PCDH11X: variants seen among roughly 807,000 people sequenced by gnomAD.
The protein encoded by PCDH11X is protocadherin-11 X-linked.
PCDH11X carries 18 observed loss-of-function variants against 53.3 expected under a neutral mutation model. That is an observed-to-expected ratio of 0.34 (90% CI 0.23 to 0.50). The LOEUF is 0.50. Ranked by LOEUF, PCDH11X falls within the 20% of genes least tolerant of loss-of-function variation. PCDH11X has a pLI of 0.98. For synonymous variants in PCDH11X, 279 were observed against 393.3 expected (o/e 0.71, Z 3.44); for missense variants, 570 against 1,032.4 (o/e 0.55, Z 6.14).
At chrX:92,249,997 A>C (rs1259768196) in intron 7 of PCDH11X, among the ~76,000 whole-genome samples, 2 of 111,133 alleles carry the variant, frequency 1.8e-5, no homozygotes, top group East Asian at 5.7e-4. Flanking sequence ...AATACATAAT[A>C]ATTTGATAAT....
intron 6 of PCDH11X, among the ~76,000 whole-genome samples, chrX:92,126,681 A>T (rs1480238684): frequency 3.9e-5 from 4 of 102,864 alleles, no homozygotes; most frequent in Non-Finnish European, 2.0e-5. Context: ...TTTTAAATAA[A>T]TTTTTTACCA....
At chrX:92,069,121 C>T (rs2063660450) in intron 6 of PCDH11X, among the ~76,000 whole-genome samples, 1 of 110,567 alleles carries the variant, frequency 9.0e-6, no homozygotes, top group Admixed American at 9.7e-5. Context: ...CTCTTCAGCT[C>T]TAATAATACT....
chrX:91,937,608 C>G (rs2061460651), intron 6 of PCDH11X, among the ~76,000 whole-genome samples: 2 of 110,021 alleles, frequency 1.8e-5, no homozygotes, highest in Admixed American at 9.7e-5. Flanking sequence ...TTTCAATAAT[C>G]TATTCTGATA....
intron 6 of PCDH11X, among the ~76,000 whole-genome samples, chrX:92,119,230 T>A (rs796753638): frequency 9.1e-6 from 1 of 109,987 alleles, no homozygotes; most frequent in East Asian, 2.9e-4. Flanking sequence ...CTCAGCCTCC[T>A]GAGTAGCTGG....
chrX:92,570,886 A>G (rs1462164368), intron 10 of PCDH11X, among the ~76,000 whole-genome samples: 7 of 110,328 alleles, frequency 6.3e-5, no homozygotes, highest in Middle Eastern at 4.6e-3. Context: ...TAGAAACGGT[A>G]TTATGGGGAA....
intron 5 of PCDH11X, among the ~76,000 whole-genome samples, chrX:91,855,586 G>C (rs1319400835): frequency 9.2e-6 from 1 of 109,125 alleles, no homozygotes; most frequent in South Asian, 3.9e-4. Flanking sequence ...GATTGCTTTA[G>C]GTAGTATGGA....
intron 10 of PCDH11X, among the ~76,000 whole-genome samples, chrX:92,610,254 C>A (rs768802068): frequency 1.8e-5 from 2 of 111,718 alleles, no homozygotes; most frequent in East Asian, 5.6e-4. Context: ...ACTTTGTCAG[C>A]GTCTGTTGTT....
intron 9 of PCDH11X, among the ~76,000 whole-genome samples, chrX:92,466,577 T>C (rs1258101820): frequency 9.1e-6 from 1 of 110,399 alleles, no homozygotes. Flanking sequence ...AAGCCAAATA[T>C]GCTTATTGTT....
At chrX:91,851,660 C>T (rs950733010) in intron 5 of PCDH11X, among the ~76,000 whole-genome samples, 2 of 111,798 alleles carry the variant, frequency 1.8e-5, no homozygotes, top group Admixed American at 9.5e-5. Flanking sequence ...TTAAATTTTT[C>T]GTTGAAATTG....
intron 6 of PCDH11X, among the ~76,000 whole-genome samples, chrX:91,937,407 T>C (rs1267625184): frequency 1.8e-5 from 2 of 110,663 alleles, no homozygotes; most frequent in Non-Finnish European, 1.9e-5. Flanking sequence ...GGGACAAATA[T>C]TAAATGCCCA....
intron 10 of PCDH11X, among the ~76,000 whole-genome samples, chrX:92,507,347 G>A (rs1239438722): frequency 9.0e-6 from 1 of 110,512 alleles, no homozygotes; most frequent in East Asian, 2.8e-4. Flanking sequence ...TAACTTCTTG[G>A]TGTGGGTGTT....
chrX:91,857,182 G>A (rs1346046672), intron 5 of PCDH11X, among the ~76,000 whole-genome samples: 1 of 111,443 alleles, frequency 9.0e-6, no homozygotes, highest in African/African-American at 3.3e-5. Context: ...TGGCAAGAGA[G>A]AGCGTGTGCA....
intron 9 of PCDH11X, among the ~76,000 whole-genome samples, chrX:92,433,858 G>A (rs1008547294): frequency 1.8e-5 from 2 of 110,885 alleles, no homozygotes; most frequent in Non-Finnish European, 3.8e-5. Flanking sequence ...AAATGGACAC[G>A]TGCCTGTCCT....
chrX:92,015,236 C>T (rs148894423), intron 6 of PCDH11X, among the ~76,000 whole-genome samples: 1,594 of 111,131 alleles, frequency 0.014, 36 homozygotes, highest in African/African-American at 0.05. Context: ...TATGAAATTC[C>T]ATTGAAATCT....
At position 92,558,747 on chromosome X, in the gene PCDH11X, G is replaced by A. The variant is rs367756622; in HGVS notation, c.3368-59517G>A. On this transcript the variant is annotated intron_variant, in intron 10 of 10. Transcript: ENST00000682573. ...TTTTTCTTCCATTCTATAGACTAGT[G>A]TTTTGTTTATATTTGTCTTAGTAAT... 2.7e-5 allele frequency among the ~76,000 whole-genome samples: 3 copies of A among 110,856 alleles called. No homozygotes were observed. In the East Asian group the frequency reaches 8.6e-4, roughly 32 times the overall value.
intron 5 of PCDH11X, among the ~76,000 whole-genome samples, chrX:91,876,399 G>C (rs1939617766): frequency 9.0e-6 from 1 of 110,987 alleles, no homozygotes; most frequent in African/African-American, 3.3e-5. Flanking sequence ...TAAAAAAACT[G>C]AAATAGTTCA....
At chrX:91,889,786 A>G (rs1940392426) in intron 6 of PCDH11X, among the ~76,000 whole-genome samples, 3 of 109,123 alleles carry the variant, frequency 2.7e-5, no homozygotes. Context: ...GACTACATAA[A>G]GACACAGAAT....
At chrX:92,530,834 T>C (rs2074540861) in intron 10 of PCDH11X, among the ~76,000 whole-genome samples, 1 of 111,612 alleles carries the variant, frequency 9.0e-6, no homozygotes, top group Non-Finnish European at 1.9e-5. Context: ...CTTTTCCATA[T>C]GGAAAGTAAT....
intron 6 of PCDH11X, among the ~76,000 whole-genome samples, chrX:91,889,760 C>T (rs993010515): frequency 9.2e-5 from 10 of 108,729 alleles, no homozygotes; most frequent in African/African-American, 3.4e-4. Context: ...ATTTTGCTGA[C>T]CTGACAGAAT....
Sources: allele counts gnomAD v4.1 joint callset (sites outside exome capture counted in the v4.1 genomes callset), GRCh38; gene constraint gnomAD v4.1.1; transcripts MANE v1.5; gene names NCBI Gene and HGNC (gene_info 2026-07-23, HGNC 2026-07-21).